Variants in GPM6A observed in about 807,000 individuals in gnomAD.
GPM6A encodes glycoprotein M6A.
Under a neutral mutation model 32.1 loss-of-function variants are expected in GPM6A, and 7 were observed. That is an observed-to-expected ratio of 0.22 (90% CI 0.12 to 0.41). The LOEUF is 0.41. Ranked by LOEUF, GPM6A falls within the 10% of genes least tolerant of loss-of-function variation. The probability of loss-of-function intolerance (pLI) is 1.00; values close to 1 mark genes in which losing one functional copy is unlikely to be tolerated. For synonymous variants in GPM6A, 130 were observed against 123.4 expected, an observed-to-expected ratio of 1.05 and a Z score of -0.35; for missense variants, 235 against 347.2, an observed-to-expected ratio of 0.68 and a Z score of 2.57.
intron 1 of GPM6A, among the ~76,000 whole-genome samples, chr4:175,748,448 ACTT>A (rs895884157): frequency 7.9e-5 from 12 of 152,212 alleles, no homozygotes; most frequent in African/African-American, 2.9e-4. Context: ...ATTGCCTTGT[ACTT>A]CTCCCTCAGA....
At chr4:175,893,639 T>C (rs1380142992) in intron 1 of GPM6A, among the ~76,000 whole-genome samples, 1 of 152,188 alleles carries the variant, frequency 6.6e-6, no homozygotes, top group Non-Finnish European at 1.5e-5. Flanking sequence ...CCTGAATAGA[T>C]AATATTCCTT....
In GPM6A at chr4:175,971,241, C is replaced by G. The variant is rs182465037; in HGVS notation, c.-23+31068G>C. 3.3e-5 allele frequency among the ~76,000 whole-genome samples: 5 copies of G among 149,942 alleles called. No homozygotes were observed. In the East Asian group the frequency reaches 7.8e-4, roughly 23 times the overall value. On this transcript the variant is annotated intron_variant, in intron 1 of 7. Coordinates refer to the GPM6A transcript ENST00000280187. ...TGCTGCTGCTGCGCTCCTGGGAAAC[C>G]TGTCATTAGTGTTCTCTTTATCTTC... is the stretch of plus-strand genomic sequence containing the variant.
At chr4:175,716,202 A>G (rs190049960) in intron 1 of GPM6A, among the ~76,000 whole-genome samples, 1 of 152,328 alleles carries the variant, frequency 6.6e-6, no homozygotes, top group East Asian at 1.9e-4. Context: ...ACCAACTAAG[A>G]CAGATCCAAA....
At chr4:175,658,256 C>T (rs181764703) in intron 3 of GPM6A, among the ~76,000 whole-genome samples, 1 of 148,662 alleles carries the variant, frequency 6.7e-6, no homozygotes, top group Non-Finnish European at 1.5e-5. Flanking sequence ...AATGAGCTAT[C>T]AAGCTATGAA....
intron 1 of GPM6A, among the ~76,000 whole-genome samples, chr4:175,944,444 A>G (rs547081284): frequency 6.6e-6 from 1 of 152,226 alleles, no homozygotes; most frequent in South Asian, 2.1e-4. Flanking sequence ...GTTTGTAATA[A>G]ACAGAACTAT....
At chr4:175,667,105 A>G (rs1742794539) in intron 3 of GPM6A, among the ~76,000 whole-genome samples, 1 of 152,204 alleles carries the variant, frequency 6.6e-6, no homozygotes, top group African/African-American at 2.4e-5. Context: ...TAGAGTATTA[A>G]CCTTCTATAT....
intron 1 of GPM6A, among the ~76,000 whole-genome samples, chr4:175,702,966 G>C (rs951407502): frequency 1.1e-4 from 16 of 152,220 alleles, no homozygotes; most frequent in African/African-American, 3.6e-4. Context: ...CAGCAAATGA[G>C]AGCACATTGG....
chr4:175,914,753 G>A (rs1213051319), intron 1 of GPM6A, among the ~76,000 whole-genome samples: 1 of 152,130 alleles, frequency 6.6e-6, no homozygotes, highest in Admixed American at 6.6e-5. Context: ...GGGGCCACTT[G>A]GGGAGATCCG....
intron 1 of GPM6A, among the ~76,000 whole-genome samples, chr4:175,763,233 C>T (rs977207333): frequency 4.6e-5 from 7 of 152,008 alleles, no homozygotes; most frequent in Non-Finnish European, 8.8e-5. Flanking sequence ...AGGCTGGTCT[C>T]GAACTCCTGA....
intron 1 of GPM6A, among the ~76,000 whole-genome samples, chr4:175,802,229 G>T (rs28376387): frequency 0.12 from 18,053 of 152,006 alleles, 1,666 homozygotes; most frequent in African/African-American, 0.26. Flanking sequence ...AAAACATGAA[G>T]TTATTTCAGT....
chr4:175,657,693 G>A (rs531964868), intron 3 of GPM6A, among the ~76,000 whole-genome samples: 1 of 152,084 alleles, frequency 6.6e-6, no homozygotes, highest in Non-Finnish European at 1.5e-5. Context: ...TACTGAACTT[G>A]AGGCCAGATC....
At chr4:175,701,374 G>T (rs192792408) in intron 2 of GPM6A, among the ~76,000 whole-genome samples, 1 of 152,140 alleles carries the variant, frequency 6.6e-6, no homozygotes, top group South Asian at 2.1e-4. Context: ...TGATTAAGTC[G>T]GCCTCTGATC....
upstream of GPM6A, among the ~76,000 whole-genome samples, chr4:175,816,052 A>G (rs4690634): frequency 0.62 from 94,379 of 151,930 alleles, 30,048 homozygotes; most frequent in East Asian, 0.82. Context: ...TTATCCAACC[A>G]TGGTGGTGCA....
chr4:175,737,999 G>A (rs1270603742), intron 1 of GPM6A, among the ~76,000 whole-genome samples: 2 of 150,416 alleles, frequency 1.3e-5, no homozygotes, highest in East Asian at 3.9e-4. Flanking sequence ...GTGCAATGGT[G>A]CAATCTCAGC....
chr4:175,871,149 C>G (rs959424446), intron 1 of GPM6A, among the ~76,000 whole-genome samples: 1 of 151,782 alleles, frequency 6.6e-6, no homozygotes, highest in Admixed American at 6.6e-5. Flanking sequence ...CAGTTCGAAC[C>G]AAAATTTTGG....
At chr4:175,660,260 T>C (rs2110943251) in intron 3 of GPM6A, among the ~76,000 whole-genome samples, 1 of 152,082 alleles carries the variant, frequency 6.6e-6, no homozygotes, top group Admixed American at 6.6e-5. Flanking sequence ...TAGCCGGGCA[T>C]GTAATCCCAG....
At chr4:175,779,912 T>C (rs1408632851) in intron 1 of GPM6A, among the ~76,000 whole-genome samples, 1 of 151,970 alleles carries the variant, frequency 6.6e-6, no homozygotes, top group African/African-American at 2.4e-5. Flanking sequence ...CCAGAGAAGA[T>C]AATACACATG....
At chr4:175,724,788 C>T (rs1746319866) in intron 1 of GPM6A, among the ~76,000 whole-genome samples, 1 of 152,042 alleles carries the variant, frequency 6.6e-6, no homozygotes, top group South Asian at 2.1e-4. Context: ...TTCTCATTTC[C>T]TTTGGAGTAA....
chr4:175,950,287 T>G (rs991000697), intron 1 of GPM6A, among the ~76,000 whole-genome samples: 1 of 152,278 alleles, frequency 6.6e-6, no homozygotes, highest in African/African-American at 2.4e-5. Flanking sequence ...TGAGACATAA[T>G]AGATGTTTAT....
Sources: allele counts gnomAD v4.1 joint callset (sites outside exome capture counted in the v4.1 genomes callset), GRCh38; gene constraint gnomAD v4.1.1; transcripts MANE v1.5; gene names NCBI Gene and HGNC (gene_info 2026-07-23, HGNC 2026-07-21).